Variants in CDK8 observed in about 807,000 individuals in gnomAD.
CDK8 encodes the protein cyclin-dependent kinase 8.
In CDK8, 29 loss-of-function variants were observed where a neutral mutation model predicts 71.5. The observed-to-expected ratio is 0.41, with a 90% CI of 0.30 to 0.55. CDK8 has a LOEUF of 0.55. Ranked by LOEUF, CDK8 falls within the 20% of genes least tolerant of loss-of-function variation. The pLI, the probability that CDK8 is intolerant of heterozygous loss-of-function variation, is 0.37. For missense variants in CDK8, 288 were observed against 572.6 expected (o/e 0.50, Z 5.07); for synonymous variants, 161 against 192.1 (o/e 0.84, Z 1.34).
At chr13:26,296,855 A>G (rs1412622738) in intron 1 of CDK8, among the ~76,000 whole-genome samples, 3 of 152,152 alleles carry the variant, frequency 2.0e-5, no homozygotes, top group Non-Finnish European at 2.9e-5. Flanking sequence ...CACACCTTTT[A>G]TTAATAAAAG....
intron 12 of CDK8, among the ~76,000 whole-genome samples, chr13:26,402,274 T>C (rs1409924960): frequency 1.3e-5 from 2 of 152,224 alleles, no homozygotes; most frequent in Non-Finnish European, 2.9e-5. Flanking sequence ...ATATTTGATC[T>C]GACCACAAAG....
At chr13:26,272,320 A>G (rs1482569841) in intron 1 of CDK8, among the ~76,000 whole-genome samples, 1 of 149,766 alleles carries the variant, frequency 6.7e-6, no homozygotes, top group Non-Finnish European at 1.5e-5. Flanking sequence ...AAAGAAAAAG[A>G]AAAAAAAGTT....
intron 6 of CDK8, among the ~76,000 whole-genome samples, chr13:26,389,638 A>G (rs1875651448): frequency 6.6e-6 from 1 of 152,140 alleles, no homozygotes; most frequent in Non-Finnish European, 1.5e-5. Context: ...GTCTTGGGGA[A>G]CACTTTCTTC....
chr13:26,310,176 A>G (rs1874220601), intron 1 of CDK8, among the ~76,000 whole-genome samples: 1 of 152,198 alleles, frequency 6.6e-6, no homozygotes, highest in South Asian at 2.1e-4. Context: ...TCTACCCAGT[A>G]ACTACTAACT....
intron 1 of CDK8, among the ~76,000 whole-genome samples, chr13:26,264,698 C>G (rs1374183372): frequency 6.6e-6 from 1 of 152,034 alleles, no homozygotes; most frequent in African/African-American, 2.4e-5. Flanking sequence ...ATATCTGCAC[C>G]CTTTAACTCA....
chr13:26,364,625 C>T (rs1283234947), intron 4 of CDK8, among the ~76,000 whole-genome samples: 3 of 151,882 alleles, frequency 2.0e-5, no homozygotes, highest in African/African-American at 7.3e-5. Flanking sequence ...TTGTTACAAT[C>T]AGAGGGAAAA....
At chr13:26,303,767 T>C (rs767807497) in intron 1 of CDK8, among the ~76,000 whole-genome samples, 3 of 152,202 alleles carry the variant, frequency 2.0e-5, no homozygotes, top group Non-Finnish European at 2.9e-5. Flanking sequence ...AAAAATCATG[T>C]GTACTCTGCA....
chr13:26,254,186 A>G lies in CDK8; in HGVS notation c.-456A>G. 1 of 238,538 alleles carries G rather than the reference A, an allele frequency of 4.2e-6. No individual in the cohort carries two copies. Among genetic ancestry groups the G allele is most frequent in the East Asian group, 6.1e-5 (1 of 16,472 alleles). The allele number at this position is 238,538 out of a possible 1,614,324, so 14.8% of individuals were successfully genotyped here. ...TTCTGTTTGAGTGTATGGGAGAGTG[A>G]GTGAGTGAGTGAGTGTGAGCGTGTG... is the stretch of plus-strand genomic sequence containing the variant. On this transcript the variant is annotated 5_prime_UTR_variant, in exon 1 of 13. An upstream open reading frame in the 5' UTR loses its in-frame stop. Coordinates refer to ENST00000381527, the MANE Select transcript of CDK8 (RefSeq NM_001260.3). This position sits in a 1 kb window ranked among gnomAD's most constrained non-coding sequence, Gnocchi z 6.7.
At position 26,360,624 on chromosome 13, in the gene CDK8, T is replaced by A. The variant is rs564547380; in HGVS notation, c.456+6744T>A. On this transcript the variant is annotated intron_variant, in intron 4 of 12. Coordinates refer to ENST00000381527, the MANE Select transcript of CDK8 (RefSeq NM_001260.3). ...ATTATAAACTCCTGAGGGCAAAGAC[T>A]GTGTCTTACTCTGTGTTTGTATGCC... 3.1e-4 allele frequency among the ~76,000 whole-genome samples: 47 copies of A among 152,306 alleles called. 1 individual carries two copies. The South Asian group carries it at 8.9e-3, about 29-fold the overall frequency.
chr13:26,401,556 T>C lies in CDK8; in HGVS notation c.1201T>C (p.Leu401=), dbSNP rs752739307. Residue 401 remains leucine, a synonymous_variant, in exon 12 of 13, where the codon TTG becomes CTG. Coordinates refer to ENST00000381527, the MANE Select transcript of CDK8 (RefSeq NM_001260.3). The surrounding 1 kb of genome is among the most constrained non-coding windows in gnomAD (Gnocchi z 4.5). The part of the protein sequence containing the change: ...QDSSHTQGPP[L]KKVRVVPPTT... ...CAGCAGTCACACACAGGGACCCCCG[T>C]TGAAGAAAGTGAGAGTTGTTCCTCC... 2 of 1,614,192 alleles carry C rather than the reference T, an allele frequency of 1.2e-6. No individual in the cohort carries two copies. Among genetic ancestry groups the C allele is most frequent in the African/African-American group, 2.7e-5 (2 of 75,056 alleles).
At chr13:26,346,589 G>A (rs1698882580) in intron 2 of CDK8, among the ~76,000 whole-genome samples, 1 of 152,164 alleles carries the variant, frequency 6.6e-6, no homozygotes, top group Admixed American at 6.5e-5. Flanking sequence ...GAGCCAGCTG[G>A]GAGATCCAGG....
chr13:26,387,153 T>A (rs1318711491), intron 6 of CDK8, among the ~76,000 whole-genome samples: 1 of 152,228 alleles, frequency 6.6e-6, no homozygotes, highest in East Asian at 1.9e-4. Context: ...CATAGTATCT[T>A]GTATTTTTTA....
At chr13:26,264,679 C>T (rs992329308) in intron 1 of CDK8, among the ~76,000 whole-genome samples, 9 of 152,194 alleles carry the variant, frequency 5.9e-5, no homozygotes, top group South Asian at 2.1e-4. Flanking sequence ...ATTTCTATTA[C>T]GTTAATCTAT....
intron 1 of CDK8, among the ~76,000 whole-genome samples, chr13:26,333,822 A>G (rs1565976393): frequency 1.3e-5 from 2 of 152,194 alleles, no homozygotes; most frequent in Admixed American, 6.5e-5. Context: ...GATAAGGGAT[A>G]CTCGGTCTGT....
At chr13:26,282,136 A>G (rs1872778247) in intron 1 of CDK8, among the ~76,000 whole-genome samples, 1 of 152,160 alleles carries the variant, frequency 6.6e-6, no homozygotes, top group Non-Finnish European at 1.5e-5. Flanking sequence ...AAGTTTGGAA[A>G]ACATATTTCA....
intron 1 of CDK8, among the ~76,000 whole-genome samples, chr13:26,302,405 G>A (rs545872392): frequency 6.6e-6 from 1 of 152,270 alleles, no homozygotes; most frequent in South Asian, 2.1e-4. Context: ...TATGGATCTG[G>A]GAGCCTGGGA....
intron 5 of CDK8, among the ~76,000 whole-genome samples, chr13:26,384,543 G>GTTAAATGCCATGATGAACTGTATC (rs1431014228): frequency 6.6e-6 from 1 of 152,164 alleles, no homozygotes; most frequent in African/African-American, 2.4e-5. Flanking sequence ...GTTAAACTGT[G>GTTAAATGCCATGATGAACTGTATC]TTAAATGCCA....
chr13:26,386,763 G>T (rs1190552975), intron 6 of CDK8, among the ~76,000 whole-genome samples: 1 of 152,156 alleles, frequency 6.6e-6, no homozygotes, highest in Non-Finnish European at 1.5e-5. Context: ...TCAGAACTTG[G>T]ATGACACCCC....
chr13:26,368,513 A>G (rs376371679), intron 4 of CDK8, among the ~76,000 whole-genome samples: 1 of 152,344 alleles, frequency 6.6e-6, no homozygotes, highest in Non-Finnish European at 1.5e-5. Context: ...CTGCCAATTT[A>G]CTATCACACC....
Sources: gnomAD v4.1 joint callset for allele counts (sites outside exome capture counted in the v4.1 genomes callset) on GRCh38, gnomAD v4.1.1 for gene constraint, Gnocchi (gnomAD v3.1) non-coding constraint, MANE v1.5 for transcripts, NCBI Gene and HGNC (gene_info 2026-07-23, HGNC 2026-07-21) for gene names.